RNF43: variants seen among roughly 807,000 people sequenced by gnomAD.
RNF43 encodes the protein E3 ubiquitin-protein ligase RNF43.
RNF43 carries 37 observed loss-of-function variants against 78.4 expected under a neutral mutation model. The observed-to-expected ratio is 0.47, with a 90% CI of 0.36 to 0.62. RNF43 has a LOEUF of 0.62. Among genes scored for constraint, RNF43 ranks in the 20% least tolerant of loss-of-function variants. RNF43 has a pLI of 0.00. For missense variants in RNF43, 774 were observed against 1,007.9 expected, an observed-to-expected ratio of 0.77 and a Z score of 3.14; for synonymous variants, 347 against 395.0, an observed-to-expected ratio of 0.88 and a Z score of 1.44.
chr17:58,393,972 C>T (rs953410224), intron 2 of RNF43, among the ~76,000 whole-genome samples: 5 of 152,192 alleles, frequency 3.3e-5, no homozygotes, highest in African/African-American at 7.2e-5. Context: ...AGGAGAATGG[C>T]GTGAACCTGG....
intron 2 of RNF43, among the ~76,000 whole-genome samples, chr17:58,401,620 T>C (rs1973802271): frequency 6.6e-6 from 1 of 152,158 alleles, no homozygotes. Flanking sequence ...ACCCTGAAGA[T>C]TGACATTGCT....
intron 2 of RNF43, among the ~76,000 whole-genome samples, chr17:58,380,155 A>G (rs1181633217): frequency 6.6e-6 from 1 of 152,178 alleles, no homozygotes; most frequent in Non-Finnish European, 1.5e-5. Context: ...TAGTTCTGGG[A>G]AGTCAGCTGA....
chr17:58,416,895 A>G (rs750131004), intron 1 of RNF43, 122 bp downstream of exon 1: 1 of 152,228 alleles, frequency 6.6e-6, no homozygotes, highest in African/African-American at 2.4e-5. Flanking sequence ...AAAATATTAT[A>G]AAGTCTTCAG....
At chr17:58,381,903 C>A (rs1973327430) in intron 2 of RNF43, among the ~76,000 whole-genome samples, 1 of 131,760 alleles carries the variant, frequency 7.6e-6, no homozygotes, top group Non-Finnish European at 1.7e-5. Context: ...TTCCTTGGTT[C>A]TATAGAGAAA....
intron 2 of RNF43, among the ~76,000 whole-genome samples, chr17:58,395,985 C>T (rs896908064): frequency 1.4e-5 from 2 of 142,404 alleles, no homozygotes; most frequent in African/African-American, 5.4e-5. Context: ...GCCTGGCATG[C>T]ATTTCCATTG....
chr17:58,362,110 CAAAA>C (rs987939955), intron 6 of RNF43, among the ~76,000 whole-genome samples: 2 of 125,914 alleles, frequency 1.6e-5, no homozygotes, highest in African/African-American at 2.9e-5. Flanking sequence ...AACAAACAAA[CAAAA>C]AAAAACCTTG....
At chr17:58,391,296 T>C (rs1973552950) in intron 2 of RNF43, among the ~76,000 whole-genome samples, 1 of 152,236 alleles carries the variant, frequency 6.6e-6, no homozygotes, top group East Asian at 1.9e-4. Flanking sequence ...CCATTGTTTA[T>C]TCCTGGTCAG....
At chr17:58,403,005 G>T (rs1321994286) in intron 2 of RNF43, among the ~76,000 whole-genome samples, 2 of 151,914 alleles carry the variant, frequency 1.3e-5, no homozygotes, top group Non-Finnish European at 2.9e-5. Flanking sequence ...TTTTTGGGGT[G>T]GGGGGGTAGG....
At position 58,358,864 on chromosome 17, in the gene RNF43, A is replaced by G; in HGVS notation, c.953-41T>C. The G allele has an allele frequency of 5.5e-6, 8 of 1,445,392 alleles. No individual in the cohort carries two copies. The highest frequency in any genetic ancestry group is 1.5e-5 in the South Asian group (1 of 68,712). The allele number at this position is 1,445,392 out of a possible 1,614,324, so 89.5% of individuals were successfully genotyped here. A position where few individuals can be genotyped will look rare whatever the true frequency, so the allele number is the denominator to read the frequency against. ...AAGAGCACAGATGTTTAACTCTACA[A>G]ACCTACAGAGAATGCATTCAGAAAG... On this transcript the variant is annotated intron_variant, in intron 8 of 9. Transcript: ENST00000407977. This position sits in a 1 kb window ranked among gnomAD's most constrained non-coding sequence, Gnocchi z 6.2.
chr17:58,374,929 C>G (rs1021177970), intron 2 of RNF43, among the ~76,000 whole-genome samples: 2 of 152,168 alleles, frequency 1.3e-5, no homozygotes, highest in South Asian at 2.1e-4. Flanking sequence ...TTTGCTGTCT[C>G]TGGGATTGGA....
intron 2 of RNF43, among the ~76,000 whole-genome samples, chr17:58,395,562 C>T (rs1014168504): frequency 6.6e-6 from 1 of 152,050 alleles, no homozygotes; most frequent in East Asian, 1.9e-4. Context: ...CTATAGAACA[C>T]AAAAATCTGA....
At chr17:58,383,568 G>A (rs1973366589) in intron 2 of RNF43, among the ~76,000 whole-genome samples, 1 of 151,984 alleles carries the variant, frequency 6.6e-6, no homozygotes, top group Admixed American at 6.6e-5. Flanking sequence ...CTCCCAAAGG[G>A]CTAGGATTAT....
At chr17:58,402,820 G>C (rs1973833179) in intron 2 of RNF43, 1 of 152,128 alleles carries the variant, frequency 6.6e-6, no homozygotes, top group African/African-American at 2.4e-5. Context: ...GCCAAGACCT[G>C]AGTTCAGGCC....
chr17:58,353,441 G>A, downstream of RNF43: 1 of 200,228 alleles, frequency 5.0e-6, no homozygotes, highest in Non-Finnish European at 1.0e-5. Context: ...AATAATGACT[G>A]AAGCACAGTA....
chr17:58,354,928 C>A lies in RNF43; in HGVS notation c.*15G>T, dbSNP rs748212367. 2 of 1,613,688 alleles carry A rather than the reference C, an allele frequency of 1.2e-6. No individual in the cohort carries two copies. The highest frequency in any genetic ancestry group is 1.7e-6 in the Non-Finnish European group (2 of 1,179,576). On this transcript the variant is annotated 3_prime_UTR_variant, in exon 10 of 10. Transcript: ENST00000407977. ...ATCTGGAGCACACTCTTGGTTGGAG[C>A]TAGGCCTGAACATCTCACACAGCCT...
chr17:58,357,292 G>A lies in RNF43; in HGVS notation c.2308+176C>T, dbSNP rs1187534494. The A allele has an allele frequency of 4.8e-6, 4 of 830,848 alleles. No individual in the cohort carries two copies. In the Admixed American group the frequency reaches 6.0e-5, roughly 12 times the overall value. The allele number at this position is 830,848 out of a possible 1,614,324, so 51.5% of individuals were successfully genotyped here. A position where few individuals can be genotyped will look rare whatever the true frequency, so the allele number is the denominator to read the frequency against. On this transcript the variant is annotated intron_variant, in intron 9 of 9. Transcript: ENST00000407977. The surrounding 1 kb of genome is among the most constrained non-coding windows in gnomAD (Gnocchi z 4.5). The stretch of plus-strand genomic sequence containing the variant: ...GGGTAGCACCTGGCAGAGGTGGGGT[G>A]TTCCTGCACTCTAGCCAGCATGATA...
intron 2 of RNF43, among the ~76,000 whole-genome samples, chr17:58,385,249 C>T (rs981993359): frequency 1.3e-5 from 2 of 152,130 alleles, no homozygotes; most frequent in African/African-American, 2.4e-5. Flanking sequence ...ATTATGATTT[C>T]CAAATTGGTC....
intron 2 of RNF43, among the ~76,000 whole-genome samples, chr17:58,384,700 G>C (rs879873585): frequency 1.3e-5 from 2 of 152,168 alleles, no homozygotes; most frequent in Non-Finnish European, 2.9e-5. Flanking sequence ...AGACTTGACA[G>C]ACCACAGGAA....
At chr17:58,384,511 G>A (rs1430260032) in intron 2 of RNF43, among the ~76,000 whole-genome samples, 1 of 152,172 alleles carries the variant, frequency 6.6e-6, no homozygotes, top group African/African-American at 2.4e-5. Flanking sequence ...CAGCTTTGAT[G>A]TTGCATTTTA....
Sources: allele counts gnomAD v4.1 joint callset (sites outside exome capture counted in the v4.1 genomes callset), GRCh38; gene constraint gnomAD v4.1.1; non-coding constraint Gnocchi (gnomAD v3.1); transcripts MANE v1.5; gene names NCBI Gene and HGNC (gene_info 2026-07-23, HGNC 2026-07-21).